Variants in PALLD observed in about 807,000 individuals in gnomAD.
PALLD encodes the protein palladin, cytoskeletal associated protein.
PALLD carries 61 observed loss-of-function variants against 123.5 expected under a neutral mutation model. The ratio of observed to expected loss-of-function variants is 0.49; its 90% CI spans 0.40 to 0.61. The LOEUF (loss-of-function observed/expected upper bound fraction) is 0.61. Ranked by LOEUF, PALLD falls within the 20% of genes least tolerant of loss-of-function variation. The pLI is 0.00. For missense variants in PALLD, 1,273 were observed against 1,377.0 expected, an observed-to-expected ratio of 0.92 and a Z score of 1.20; for synonymous variants, 465 against 496.4, an observed-to-expected ratio of 0.94 and a Z score of 0.84.
chr4:168,686,342 A>G (rs1166465736), intron 6 of PALLD, among the ~76,000 whole-genome samples: 1 of 152,116 alleles, frequency 6.6e-6, no homozygotes, highest in Non-Finnish European at 1.5e-5. Context: ...CCCTGCATGC[A>G]TTAGGTATTT....
chr4:168,911,987 T>C (rs1759063750), intron 15 of PALLD, among the ~76,000 whole-genome samples: 1 of 152,164 alleles, frequency 6.6e-6, no homozygotes. Flanking sequence ...CTATGTGTCT[T>C]TGCCTTTTCT....
chr4:168,558,008 T>C lies in PALLD; in HGVS notation c.908+45596T>C, dbSNP rs926097771. 3.3e-5 allele frequency among the ~76,000 whole-genome samples: 5 copies of C among 152,298 alleles called. 1 individual carries two copies. The highest frequency in any genetic ancestry group is 2.6e-4 in the Admixed American group (4 of 15,308). ...TGGCTAAAACCAGCTCTTTTTCTCATTGAGTGCTTTGTAGGCTCTACAGAG... is the reference window on the plus strand; with the variant it reads ...TGGCTAAAACCAGCTCTTTTTCTCACTGAGTGCTTTGTAGGCTCTACAGAG... On this transcript the variant is annotated intron_variant, in intron 2 of 21. Coordinates refer to ENST00000505667, the MANE Select transcript of PALLD (RefSeq NM_001166108.2).
chr4:168,795,056 G>T (rs1738287847), intron 10 of PALLD, among the ~76,000 whole-genome samples: 1 of 152,136 alleles, frequency 6.6e-6, no homozygotes, highest in South Asian at 2.1e-4. Flanking sequence ...CGGTGGAAGG[G>T]ACCGGGAGCT....
intron 8 of PALLD, among the ~76,000 whole-genome samples, chr4:168,707,823 C>T (rs530399567): frequency 1.9e-4 from 29 of 152,238 alleles, no homozygotes; most frequent in African/African-American, 5.8e-4. Flanking sequence ...TGTGGGAACC[C>T]GAAATATATC....
At chr4:168,518,262 A>G (rs1763188662) in intron 2 of PALLD, among the ~76,000 whole-genome samples, 3 of 152,174 alleles carry the variant, frequency 2.0e-5, no homozygotes, top group Admixed American at 6.5e-5. Context: ...TCAAGCCACC[A>G]TCATCTGTCT....
chr4:168,919,079 T>C (rs953804062), intron 17 of PALLD, among the ~76,000 whole-genome samples: 3 of 152,188 alleles, frequency 2.0e-5, no homozygotes, highest in African/African-American at 7.2e-5. Flanking sequence ...TTATCTCTAT[T>C]TTTAATCATA....
intron 10 of PALLD, among the ~76,000 whole-genome samples, chr4:168,841,660 T>C (rs909793282): frequency 1.3e-5 from 2 of 152,206 alleles, no homozygotes; most frequent in Admixed American, 6.5e-5. Context: ...CTATAATATC[T>C]GAGCTCCTGG....
At chr4:168,908,012 G>A (rs1180218704) in intron 15 of PALLD, among the ~76,000 whole-genome samples, 16 of 152,080 alleles carry the variant, frequency 1.1e-4, no homozygotes, top group African/African-American at 2.4e-5. Flanking sequence ...CAAAAGGAAG[G>A]GAAACTCATG....
At chr4:168,639,377 A>G (rs1580710344) in intron 2 of PALLD, among the ~76,000 whole-genome samples, 1 of 152,156 alleles carries the variant, frequency 6.6e-6, no homozygotes, top group Non-Finnish European at 1.5e-5. Flanking sequence ...ATGTTATTGT[A>G]TCCGCATCCT....
At chr4:168,600,824 C>G (rs910958176) in intron 2 of PALLD, among the ~76,000 whole-genome samples, 1 of 152,094 alleles carries the variant, frequency 6.6e-6, no homozygotes, top group Non-Finnish European at 1.5e-5. Flanking sequence ...TAAAAGACTT[C>G]TAGTCATCTC....
chr4:168,734,249 AATAAC>A (rs1444725137), intron 10 of PALLD, among the ~76,000 whole-genome samples: 2 of 152,146 alleles, frequency 1.3e-5, no homozygotes, highest in African/African-American at 2.4e-5. Flanking sequence ...TTAAATATAA[AATAAC>A]GGTATAAGTC....
chr4:168,729,439 C>T (rs193063885), intron 10 of PALLD, among the ~76,000 whole-genome samples: 111 of 152,226 alleles, frequency 7.3e-4, no homozygotes, highest in African/African-American at 2.6e-3. Context: ...GCTAGGATTA[C>T]AGATGTAAGC....
chr4:168,922,271 T>C (rs928091363), intron 18 of PALLD, among the ~76,000 whole-genome samples: 2 of 152,122 alleles, frequency 1.3e-5, no homozygotes, highest in African/African-American at 4.8e-5. Flanking sequence ...GTCTTATGCT[T>C]TGAGAAGCCT....
chr4:168,699,055 A>G (rs1783427108), intron 8 of PALLD, among the ~76,000 whole-genome samples: 1 of 152,128 alleles, frequency 6.6e-6, no homozygotes, highest in Non-Finnish European at 1.5e-5. Context: ...ATTAAATACA[A>G]TTGACAATTT....
intron 10 of PALLD, among the ~76,000 whole-genome samples, chr4:168,861,608 A>G (rs1215033402): frequency 4.6e-5 from 7 of 152,040 alleles, no homozygotes; most frequent in Non-Finnish European, 7.4e-5. Flanking sequence ...ATTTTCTCCT[A>G]TGATTCCTTC....
At chr4:168,792,326 T>TAA (rs138452991) in intron 10 of PALLD, among the ~76,000 whole-genome samples, 4 of 150,524 alleles carry the variant, frequency 2.7e-5, no homozygotes, top group Non-Finnish European at 4.4e-5. Flanking sequence ...AGGGTTCCTT[T>TAA]AAAAAAAAAT....
chr4:168,652,154 C>G (rs978867526), intron 2 of PALLD, among the ~76,000 whole-genome samples: 1 of 152,016 alleles, frequency 6.6e-6, no homozygotes, highest in Non-Finnish European at 1.5e-5. Context: ...TTTCCTTTCC[C>G]AACAGATAGT....
chr4:168,657,143 T>A (rs1778660248), intron 2 of PALLD, among the ~76,000 whole-genome samples: 1 of 152,236 alleles, frequency 6.6e-6, no homozygotes, highest in Non-Finnish European at 1.5e-5. Flanking sequence ...ACACTGATCC[T>A]TCAACATGAT....
At chr4:168,871,050 T>C (rs1278214825) in intron 10 of PALLD, among the ~76,000 whole-genome samples, 2 of 152,248 alleles carry the variant, frequency 1.3e-5, no homozygotes, top group Non-Finnish European at 2.9e-5. Context: ...GGAGGATTGC[T>C]ACTTTTTGTA....
Sources: gnomAD v4.1 joint callset for allele counts (sites outside exome capture counted in the v4.1 genomes callset) on GRCh38, gnomAD v4.1.1 for gene constraint, MANE v1.5 for transcripts, NCBI Gene and HGNC (gene_info 2026-07-23, HGNC 2026-07-21) for gene names.